ATP1A4: variants seen among roughly 807,000 people sequenced by gnomAD.
ATP1A4 encodes sodium/potassium-transporting ATPase subunit alpha-4.
A neutral mutation model predicts 114.3 loss-of-function variants in ATP1A4; 90 were observed. That is an observed-to-expected ratio of 0.79 (90% CI 0.66 to 0.94). The LOEUF (loss-of-function observed/expected upper bound fraction) is 0.94, where lower values mean the gene tolerates loss of function less well. Among genes scored for constraint, ATP1A4 ranks in the 40% least tolerant of loss-of-function variants. The pLI is 0.00. For synonymous variants in ATP1A4, 511 were observed against 494.1 expected (o/e 1.03, Z -0.45); for missense variants, 1,222 against 1,313.6 (o/e 0.93, Z 1.08).
rs528776440 is a variant in ATP1A4, at chr1:160,155,058, A to G, written c.221A>G (p.Gln74Arg). 1 of 1,613,852 alleles carries G rather than the reference A, an allele frequency of 6.2e-7. No homozygotes were observed. The highest frequency in any genetic ancestry group is 1.3e-5 in the African/African-American group (1 of 75,022). Residue 74 changes from glutamine to arginine, a missense_variant, in exon 3 of 22, where the codon CAA becomes CGA. Gln to Arg is a conservative substitution (Grantham distance 43, BLOSUM62 1). Coordinates refer to ENST00000368081, the MANE Select transcript of ATP1A4 (RefSeq NM_144699.4). ...SVDLTKGHSHQRAKEILTRGG... is the reference protein window; with the variant it reads ...SVDLTKGHSHRRAKEILTRGG... The stretch of plus-strand genomic sequence containing the variant: ...TTCTCTGCACAGGGCCATAGCCACC[A>G]AAGGGCAAAGGAAATCCTGACTCGA...
chr1:160,179,835 G>A (rs11265348), intron 18 of ATP1A4, among the ~76,000 whole-genome samples: 28,598 of 152,108 alleles, frequency 0.19, 3,202 homozygotes, highest in African/African-American at 0.32. Context: ...ATTTAATCAA[G>A]ATATTGTAAG....
chr1:160,153,078 C>A, intron 1 of ATP1A4, 87 bp from the exon 2 acceptor site: 1 of 1,098,898 alleles, frequency 9.1e-7, no homozygotes, highest in Non-Finnish European at 1.4e-6. Flanking sequence ...TCAGTTTGGA[C>A]TAACATTCTC....
chr1:160,183,724 G>A (rs1653786356), intron 20 of ATP1A4, among the ~76,000 whole-genome samples: 1 of 152,298 alleles, frequency 6.6e-6, no homozygotes, highest in Middle Eastern at 3.4e-3. Context: ...TATGAGACTA[G>A]GGAGACTGGG....
In ATP1A4 at chr1:160,157,037, G is replaced by A. The variant is rs187214833; in HGVS notation, c.525+879G>A. On this transcript the variant is annotated intron_variant, in intron 4 of 21. Coordinates refer to ENST00000368081, the MANE Select transcript of ATP1A4 (RefSeq NM_144699.4). ...GAGGATTGCTTGAGCACGGAAGGCA[G>A]AGATTGCATGCCATTGCACTCCAGC... Among the ~76,000 whole-genome samples the A allele has an allele frequency of 2.6e-5, 4 of 152,290 alleles. No homozygotes were observed. In the East Asian group the frequency reaches 7.7e-4, roughly 29 times the overall value.
intron 3 of ATP1A4, 61 bp downstream of exon 3, chr1:160,155,309 G>A: frequency 6.9e-7 from 1 of 1,451,800 alleles, no homozygotes; most frequent in Non-Finnish European, 9.5e-7. Context: ...ACACTCTTTT[G>A]CTCAGCAGCC....
chr1:160,166,676 T>C lies in ATP1A4; in HGVS notation c.1196T>C (p.Met399Thr). ...CAGAACCGCATGACCGTCGCCCACATGTGGTTTGATATGACCGTGTATGAG... is the reference window on the plus strand; with the variant it reads ...CAGAACCGCATGACCGTCGCCCACACGTGGTTTGATATGACCGTGTATGAG... ...LTQNRMTVAH[M>T]WFDMTVYEAD... is the part of the protein sequence containing the mutation. Residue 399 changes from methionine (M) to threonine (T), a missense_variant, in exon 8 of 22, where the codon ATG becomes ACG. By Grantham distance (81) the Met-to-Thr change is moderately conservative. Transcript: ENST00000368081. 5 of 1,614,090 alleles carry C rather than the reference T, an allele frequency of 3.1e-6. No homozygotes were observed. Among genetic ancestry groups the C allele is most frequent in the South Asian group, 2.2e-5 (2 of 91,074 alleles).
At chr1:160,161,707 A>G (rs1280636424) in intron 6 of ATP1A4, among the ~76,000 whole-genome samples, 2 of 152,148 alleles carry the variant, frequency 1.3e-5, no homozygotes, top group East Asian at 3.9e-4. Context: ...GACCCAATAT[A>G]TGCCTTTGGC....
rs563172570 is a variant in ATP1A4, at chr1:160,152,513, T to C, written c.147+326T>C. Among the ~76,000 whole-genome samples the C allele has an allele frequency of 7.4e-4, 113 of 152,256 alleles. No homozygotes were observed. The South Asian group carries it at 0.023, about 30-fold the overall frequency. Reference sequence around the variant, plus strand: ...CTGTATGGCCTGCTGCCTGGCAGGATATCGATAAGATGTTCTCATGATGAG... The same window carrying C: ...CTGTATGGCCTGCTGCCTGGCAGGACATCGATAAGATGTTCTCATGATGAG... On this transcript the variant is annotated intron_variant, in intron 1 of 21. Transcript: ENST00000368081.
chr1:160,163,585 G>A (rs1652931648), intron 6 of ATP1A4, among the ~76,000 whole-genome samples: 1 of 152,194 alleles, frequency 6.6e-6, no homozygotes, highest in African/African-American at 2.4e-5. Flanking sequence ...GTGGGAAGGA[G>A]CATGGAGGAG....
At chr1:160,165,488 G>T (rs546220520) in intron 7 of ATP1A4, among the ~76,000 whole-genome samples, 5 of 152,296 alleles carry the variant, frequency 3.3e-5, no homozygotes, top group South Asian at 2.1e-4. Flanking sequence ...TGCCGGGCGC[G>T]GTGGCTCACA....
At chr1:160,178,975 T>G (rs769563704) in intron 18 of ATP1A4, among the ~76,000 whole-genome samples, 28 of 152,242 alleles carry the variant, frequency 1.8e-4, no homozygotes, top group Non-Finnish European at 4.0e-4. Context: ...ATTTTCATCA[T>G]TCTGTAGATG....
chr1:160,184,067 C>G (rs1380379500), intron 20 of ATP1A4, among the ~76,000 whole-genome samples: 1 of 151,888 alleles, frequency 6.6e-6, no homozygotes, highest in Non-Finnish European at 1.5e-5. Flanking sequence ...ATTCTCCTGC[C>G]TCAGTCTCCT....
At chr1:160,164,041 C>A in intron 6 of ATP1A4, 115 bp from the exon 7 acceptor site, 2 of 1,318,956 alleles carry the variant, frequency 1.5e-6, no homozygotes, top group Admixed American at 4.6e-5. Flanking sequence ...TCTCCTAGCA[C>A]CCCTATCTTT....
chr1:160,152,683 G>A (rs1652499292), intron 1 of ATP1A4, among the ~76,000 whole-genome samples: 1 of 152,168 alleles, frequency 6.6e-6, no homozygotes, highest in Non-Finnish European at 1.5e-5. Context: ...TGGTTAGGCA[G>A]GCTGTTTCTC....
Position 160,173,654 on chromosome 1 carries a change from G to A in ATP1A4, c.1928G>A (p.Gly643Asp), listed in dbSNP as rs1257846294. 1.9e-6 allele frequency: 3 copies of A among 1,614,026 alleles called. No homozygotes were observed. The highest frequency in any genetic ancestry group is 2.5e-6 in the Non-Finnish European group (3 of 1,180,020). The part of the protein sequence containing the change: ...IAKGVGIISE[G>D]TETAEEVAAR... ...AAGGGTGTGGGCATCATCTCAGAAG[G>A]CACTGAGACGGCAGAGGAAGTCGCT... is the stretch of plus-strand genomic sequence containing the variant. Residue 643 changes from glycine to aspartate, a missense_variant, in exon 13 of 22, where the codon GGC becomes GAC. Coordinates refer to ENST00000368081, the MANE Select transcript of ATP1A4 (RefSeq NM_144699.4).
At chr1:160,152,496 C>T (rs951885561) in intron 1 of ATP1A4, among the ~76,000 whole-genome samples, 1 of 152,098 alleles carries the variant, frequency 6.6e-6, no homozygotes, top group Non-Finnish European at 1.5e-5. Context: ...GGCTGTATGG[C>T]CTGCTGCCTG....
In ATP1A4 at chr1:160,181,728, C is replaced by T; in HGVS notation, c.2781C>T (p.Ala927=). The T allele has an allele frequency of 6.2e-7, 1 of 1,614,072 alleles. No individual in the cohort carries two copies. Among genetic ancestry groups the T allele is most frequent in the Non-Finnish European group, 8.5e-7 (1 of 1,180,010 alleles). Residue 927 remains alanine, a synonymous_variant, in exon 19 of 22, where the codon GCC becomes GCT. Coordinates refer to ENST00000368081, the MANE Select transcript of ATP1A4 (RefSeq NM_144699.4). ...TTGTGGAGTTCACATGCCAAACGGC[C>T]TTTTTTGTCACCATCGTGGTTGTGC... The part of the protein sequence containing the change: ...RKVVEFTCQT[A]FFVTIVVVQW...
At chr1:160,155,835 T>C (rs913558245) in intron 3 of ATP1A4, among the ~76,000 whole-genome samples, 1 of 152,214 alleles carries the variant, frequency 6.6e-6, no homozygotes, top group South Asian at 2.1e-4. Flanking sequence ...CCAGGAATTT[T>C]GCTGACGGCT....
chr1:160,163,210 C>T (rs1460694255), intron 6 of ATP1A4, among the ~76,000 whole-genome samples: 1 of 152,082 alleles, frequency 6.6e-6, no homozygotes, highest in Non-Finnish European at 1.5e-5. Context: ...ACACAGAACA[C>T]TTCTGTGTCC....
Sources: allele counts gnomAD v4.1 joint callset (sites outside exome capture counted in the v4.1 genomes callset), GRCh38; gene constraint gnomAD v4.1.1; transcripts MANE v1.5; gene names NCBI Gene and HGNC (gene_info 2026-07-23, HGNC 2026-07-21).